Variants in NTRK3 observed in about 807,000 individuals in gnomAD.
NTRK3 encodes neurotrophic receptor tyrosine kinase 3, also known as NT-3 growth factor receptor.
Under a neutral mutation model 91.7 loss-of-function variants are expected in NTRK3, and 24 were observed. The ratio of observed to expected loss-of-function variants is 0.26; its 90% CI spans 0.19 to 0.37. The LOEUF (loss-of-function observed/expected upper bound fraction) is 0.37. NTRK3 is among the 10% of genes least tolerant of loss of function. NTRK3 has a pLI of 1.00. For missense variants in NTRK3, 880 were observed against 1,068.9 expected, an observed-to-expected ratio of 0.82 and a Z score of 2.46; for synonymous variants, 483 against 404.0, an observed-to-expected ratio of 1.20 and a Z score of -2.34.
At chr15:88,141,236 A>C (rs1223471918) in intron 6 of NTRK3, among the ~76,000 whole-genome samples, 1 of 152,166 alleles carries the variant, frequency 6.6e-6, no homozygotes, top group Non-Finnish European at 1.5e-5. Flanking sequence ...GAAAAGAGAA[A>C]AGGTAGACAG....
At chr15:88,061,656 T>A (rs774012153) in intron 13 of NTRK3, among the ~76,000 whole-genome samples, 1 of 152,236 alleles carries the variant, frequency 6.6e-6, no homozygotes, top group Non-Finnish European at 1.5e-5. Context: ...TTCCTGCTTC[T>A]TCATCTGGTG....
chr15:88,066,230 G>A (rs951070882), intron 13 of NTRK3, among the ~76,000 whole-genome samples: 5 of 152,152 alleles, frequency 3.3e-5, no homozygotes, highest in Admixed American at 1.3e-4. Flanking sequence ...CAATGGGCAC[G>A]TCAGACATGT....
At chr15:88,032,959 C>T (rs112443158) in exon 14 of NTRK3, 4 of 1,612,860 alleles carry the variant, frequency 2.5e-6, no homozygotes, top group African/African-American at 2.7e-5. Context: ...GGCCCGGCAT[C>T]CAGTGACGAG....
At chr15:88,208,196 G>A (rs2048953732) in intron 3 of NTRK3, among the ~76,000 whole-genome samples, 1 of 152,030 alleles carries the variant, frequency 6.6e-6, no homozygotes, top group Non-Finnish European at 1.5e-5. Flanking sequence ...CTGGCACTCT[G>A]TGTGCCCAGG....
exon 19 of NTRK3, chr15:87,873,224 C>G (rs934505768): frequency 8.6e-6 from 2 of 231,610 alleles, no homozygotes; most frequent in Non-Finnish European, 8.5e-6. Context: ...GATCCTTTGC[C>G]TCAAGTGGGA....
chr15:88,206,419 A>G (rs1269604019), intron 3 of NTRK3, among the ~76,000 whole-genome samples: 75 of 138,482 alleles, frequency 5.4e-4, no homozygotes, highest in African/African-American at 1.1e-3. Flanking sequence ...AGCACTTTGG[A>G]AGGCCGAGGC....
At chr15:87,860,002 A>T in exon 19 of NTRK3, 1 of 196,812 alleles carries the variant, frequency 5.1e-6, no homozygotes, top group Non-Finnish European at 1.1e-5. Flanking sequence ...ATACATACAC[A>T]CACATATATA....
chr15:88,086,796 GCCTGGGGC>G (rs1348057053), intron 13 of NTRK3, among the ~76,000 whole-genome samples: 1 of 152,222 alleles, frequency 6.6e-6, no homozygotes, highest in African/African-American at 2.4e-5. Context: ...TCCTCTCCTA[GCCTGGGGC>G]AGTTGTGTGG....
In NTRK3 at chr15:87,860,627, T is replaced by C. The variant is rs182547504; in HGVS notation, c.*16308A>G. Reference sequence around the variant, plus strand: ...ATGCAAATAAAATCAGCATAGCCAATGCATTCACCTGTCATAAAGGAAAGG... The same window carrying C: ...ATGCAAATAAAATCAGCATAGCCAACGCATTCACCTGTCATAAAGGAAAGG... On this transcript the variant is annotated 3_prime_UTR_variant, in exon 19 of 19. Transcript: ENST00000394480. 4 of 207,026 alleles carry C rather than the reference T, an allele frequency of 1.9e-5. No homozygotes were observed. The East Asian group carries it at 2.2e-4, about 11-fold the overall frequency. The allele number at this position is 207,026 out of a possible 1,614,324, so 12.8% of individuals were successfully genotyped here. A position where few individuals can be genotyped will look rare whatever the true frequency, so the allele number is the denominator to read the frequency against.
intron 3 of NTRK3, among the ~76,000 whole-genome samples, chr15:88,195,205 G>A (rs563141033): frequency 7.9e-5 from 12 of 152,180 alleles, no homozygotes; most frequent in South Asian, 2.1e-4. Flanking sequence ...TATCAGTAGC[G>A]CTAAGGTTGA....
chr15:87,957,815 G>A (rs948849448), intron 14 of NTRK3, among the ~76,000 whole-genome samples: 1 of 152,170 alleles, frequency 6.6e-6, no homozygotes, highest in African/African-American at 2.4e-5. Flanking sequence ...ACCTGAAGTC[G>A]GTGGCCCATT....
At chr15:88,013,575 C>A (rs895881778) in intron 14 of NTRK3, among the ~76,000 whole-genome samples, 5 of 152,168 alleles carry the variant, frequency 3.3e-5, no homozygotes, top group Admixed American at 2.0e-4. Context: ...AACATGAAAG[C>A]AGCCTGGGAA....
At chr15:87,906,037 C>T (rs762378400) in intron 17 of NTRK3, among the ~76,000 whole-genome samples, 88 of 152,310 alleles carry the variant, frequency 5.8e-4, no homozygotes, top group Middle Eastern at 3.4e-3. Context: ...ACATTCGGGT[C>T]ACCCAGTGAG....
intron 13 of NTRK3, among the ~76,000 whole-genome samples, chr15:88,051,454 T>A (rs1454902246): frequency 1.3e-5 from 2 of 152,242 alleles, no homozygotes; most frequent in African/African-American, 4.8e-5. Flanking sequence ...TTGTTGTGAC[T>A]CCATGCTTTT....
Position 88,255,460 on chromosome 15 carries a change from C to T in NTRK3, c.248+446G>A, listed in dbSNP as rs2053936421. Among the ~76,000 whole-genome samples the T allele has an allele frequency of 6.6e-6, 1 of 152,256 alleles. No individual in the cohort carries two copies. The highest frequency in any genetic ancestry group is 2.1e-4 in the South Asian group (1 of 4,838). On this transcript the variant is annotated intron_variant, in intron 3 of 18. Transcript: ENST00000394480. The surrounding 1 kb of genome is among the most constrained non-coding windows in gnomAD (Gnocchi z 4.3). ...CGAGCAGTCCCTATCTGTCACCTTC[C>T]CTGCCGGCTAAGCGCTGCCGCCGCT...
intron 17 of NTRK3, among the ~76,000 whole-genome samples, chr15:87,894,491 C>T (rs192612961): frequency 1.8e-4 from 28 of 152,288 alleles, no homozygotes; most frequent in Non-Finnish European, 3.4e-4. Flanking sequence ...CCTGTCGGTC[C>T]TGCCCTGATC....
At chr15:87,938,730 C>A (rs369312113) in intron 15 of NTRK3, among the ~76,000 whole-genome samples, 2 of 152,172 alleles carry the variant, frequency 1.3e-5, no homozygotes, top group Non-Finnish European at 2.9e-5. Flanking sequence ...TGCCGGAACA[C>A]CCCGTGGATT....
In NTRK3 at chr15:87,886,697, T is replaced by TATATATATATATATATATATAC. The variant is rs1335887821; in HGVS notation, c.2134-6270_2134-6269insGTATATATATATATATATATAT. 2.9e-3 allele frequency among the ~76,000 whole-genome samples: 389 copies of TATATATATATATATATATATAC among 135,720 alleles called. 4 individuals are homozygous for TATATATATATATATATATATAC. The highest frequency in any genetic ancestry group is 7.7e-3 in the African/African-American group (265 of 34,590). The allele number at this position is 135,720 out of a possible 152,430, so 89.0% of individuals were successfully genotyped here. A position where few individuals can be genotyped will look rare whatever the true frequency, so the allele number is the denominator to read the frequency against. ...TTTGCTATATATATATATATATATATATACATATATACACACACACACATA... is the reference window on the plus strand; with the variant it reads ...TTTGCTATATATATATATATATATATATATATATATATATATATATACATACATATATACACACACACACATA... On this transcript the variant is annotated intron_variant, in intron 17 of 18. Coordinates refer to ENST00000394480, the Ensembl canonical transcript of NTRK3.
intron 17 of NTRK3, chr15:87,916,381 C>T (rs2067446518): frequency 1.7e-6 from 1 of 571,736 alleles, no homozygotes; most frequent in African/African-American, 1.9e-5. Context: ...CGTAAGGGCC[C>T]TCCACAGGAG....
Sources: allele counts gnomAD v4.1 joint callset (sites outside exome capture counted in the v4.1 genomes callset), GRCh38; gene constraint gnomAD v4.1.1; non-coding constraint Gnocchi (gnomAD v3.1); transcripts MANE v1.5; gene names NCBI Gene and HGNC (gene_info 2026-07-23, HGNC 2026-07-21).